Variants in SMIM41 observed in about 807,000 individuals in gnomAD.
The protein encoded by SMIM41 is small integral membrane protein 41.
intron 2 of SMIM41, among the ~76,000 whole-genome samples, chr12:52,101,872 C>T (rs973562655): frequency 2.6e-4 from 40 of 152,052 alleles, no homozygotes; most frequent in African/African-American, 9.2e-4. Flanking sequence ...GCCAGCACAC[C>T]CAGCTAATGT....
intron 1 of SMIM41, among the ~76,000 whole-genome samples, chr12:52,080,844 G>A (rs1193305162): frequency 6.6e-6 from 1 of 152,122 alleles, no homozygotes. Context: ...TGTGTGGAAG[G>A]CCCTTCCCTG....
intron 2 of SMIM41, among the ~76,000 whole-genome samples, chr12:52,088,283 G>C (rs575238075): frequency 8.5e-5 from 13 of 152,330 alleles, no homozygotes; most frequent in African/African-American, 3.1e-4. Flanking sequence ...AAGGTGGCCA[G>C]GGAAAGCCTC....
intron 2 of SMIM41, among the ~76,000 whole-genome samples, chr12:52,099,971 G>T (rs1275991794): frequency 6.6e-6 from 1 of 151,892 alleles, no homozygotes; most frequent in Non-Finnish European, 1.5e-5. Flanking sequence ...GGGGGGTTGT[G>T]TACTACCCCT....
intron 2 of SMIM41, among the ~76,000 whole-genome samples, chr12:52,093,091 G>C (rs1315377439): frequency 1.3e-5 from 2 of 152,226 alleles, no homozygotes; most frequent in South Asian, 2.1e-4. Context: ...CCAGCTACTC[G>C]AGAGGTTGAG....
intron 2 of SMIM41, chr12:52,092,552 G>A (rs903747678): frequency 6.6e-6 from 1 of 152,222 alleles, no homozygotes; most frequent in African/African-American, 2.4e-5. Context: ...ATATTAGGAT[G>A]AATCTAAAAG....
At chr12:52,090,284 G>A (rs1470744704) in intron 2 of SMIM41, among the ~76,000 whole-genome samples, 8 of 152,026 alleles carry the variant, frequency 5.3e-5, no homozygotes, top group Non-Finnish European at 8.8e-5. Flanking sequence ...TGTTGGGCAG[G>A]CTGAGTCAGG....
At chr12:52,104,875 G>A (rs1940301754) in intron 2 of SMIM41, among the ~76,000 whole-genome samples, 1 of 152,138 alleles carries the variant, frequency 6.6e-6, no homozygotes, top group African/African-American at 2.4e-5. Context: ...CCCTTACTGA[G>A]GGCTTCCTAA....
chr12:52,102,205 G>C (rs1394471203), intron 2 of SMIM41, among the ~76,000 whole-genome samples: 1 of 152,174 alleles, frequency 6.6e-6, no homozygotes, highest in Non-Finnish European at 1.5e-5. Context: ...TGGACCCTAT[G>C]TCACACCAGG....
At chr12:52,097,319 G>A (rs1049387748) in intron 2 of SMIM41, among the ~76,000 whole-genome samples, 2 of 151,660 alleles carry the variant, frequency 1.3e-5, no homozygotes, top group Non-Finnish European at 2.9e-5. Context: ...AGGGGGGCGG[G>A]CGACCCCCAC....
chr12:52,104,113 G>C (rs1025383757), intron 2 of SMIM41: 2 of 152,056 alleles, frequency 1.3e-5, no homozygotes, highest in African/African-American at 4.8e-5. Flanking sequence ...TAAAATTAAA[G>C]CAGTTGGATC....
At chr12:52,100,202 A>G (rs915789511) in intron 2 of SMIM41, among the ~76,000 whole-genome samples, 1 of 151,800 alleles carries the variant, frequency 6.6e-6, no homozygotes, top group African/African-American at 2.4e-5. Flanking sequence ...GGTAGTGTAC[A>G]TTTCCTTCGA....
chr12:52,097,312 G>C (rs919080485), intron 2 of SMIM41, among the ~76,000 whole-genome samples: 7 of 151,880 alleles, frequency 4.6e-5, no homozygotes, highest in Non-Finnish European at 8.8e-5. Flanking sequence ...ACATCGCAGG[G>C]GGGCGGGCGA....
At chr12:52,095,049 G>T (rs528631159) in intron 2 of SMIM41, among the ~76,000 whole-genome samples, 1 of 151,220 alleles carries the variant, frequency 6.6e-6, no homozygotes, top group African/African-American at 2.4e-5. Flanking sequence ...GGGCTCAAGC[G>T]ATCCTCCTGC....
chr12:52,084,408 A>T (rs1439661525), intron 2 of SMIM41, among the ~76,000 whole-genome samples: 1 of 151,654 alleles, frequency 6.6e-6, no homozygotes, highest in African/African-American at 2.4e-5. Flanking sequence ...ACAAACAAAA[A>T]CCACAAAAAA....
Position 52,088,965 on chromosome 12 carries a change from C to T in SMIM41, c.*195+4997C>T, listed in dbSNP as rs149081506. Among the ~76,000 whole-genome samples, 1,079 of 151,868 alleles carry T rather than the reference C, an allele frequency of 7.1e-3. 19 individuals are homozygous for T. Among genetic ancestry groups the T allele is most frequent in the African/African-American group, 0.025 (1,020 of 41,358 alleles). On this transcript the variant is annotated intron_variant, in intron 2 of 2. Transcript: ENST00000546390. ...TGCCAGGCACCGAGTCTTCAGTGGC[C>T]GTGGAGGAGTGCTAGGCTCCAACCA... is the stretch of plus-strand genomic sequence containing the variant.
chr12:52,085,003 GGACGATGTTCTGGTTTC>G (rs1939873347), intron 2 of SMIM41, among the ~76,000 whole-genome samples: 1 of 151,910 alleles, frequency 6.6e-6, no homozygotes, highest in African/African-American at 2.4e-5. Context: ...GAGGAGGGGA[GGACGATGTTCTGGTTTC>G]CAGCCTGAAT....
intron 2 of SMIM41, among the ~76,000 whole-genome samples, chr12:52,085,917 G>T (rs1939885838): frequency 6.6e-6 from 1 of 152,224 alleles, no homozygotes; most frequent in South Asian, 2.1e-4. Context: ...CTCAGCTGTG[G>T]CTCCTTGAGT....
chr12:52,080,899 G>C (rs116396107), intron 1 of SMIM41, among the ~76,000 whole-genome samples: 1 of 152,238 alleles, frequency 6.6e-6, no homozygotes, highest in African/African-American at 2.4e-5. Context: ...GGGTGGGGGA[G>C]TAGATGTAGC....
At chr12:52,096,461 T>C (rs1420545570) in intron 2 of SMIM41, among the ~76,000 whole-genome samples, 1 of 152,066 alleles carries the variant, frequency 6.6e-6, no homozygotes, top group Admixed American at 6.5e-5. Context: ...GTACACCCAC[T>C]GTGGTATTAG....
Sources: gnomAD v4.1 joint callset for allele counts (sites outside exome capture counted in the v4.1 genomes callset) on GRCh38, gnomAD v4.1.1 for gene constraint, MANE v1.5 for transcripts, NCBI Gene and HGNC (gene_info 2026-07-23, HGNC 2026-07-21) for gene names.